Variants in DAB1 observed in about 807,000 individuals in gnomAD.
The protein encoded by DAB1 is disabled homolog 1.
Under a neutral mutation model 64.6 loss-of-function variants are expected in DAB1, and 15 were observed. That is an observed-to-expected ratio of 0.23 (90% CI 0.16 to 0.36). The LOEUF is 0.36. Among genes scored for constraint, DAB1 ranks in the 10% least tolerant of loss-of-function variants. DAB1 has a pLI of 1.00. For missense variants in DAB1, 596 were observed against 706.7 expected (o/e 0.84, Z 1.78); for synonymous variants, 235 against 251.9 (o/e 0.93, Z 0.64).
intron 6 of DAB1, among the ~76,000 whole-genome samples, chr1:57,686,777 G>A (rs749234804): frequency 1.8e-4 from 28 of 152,186 alleles, no homozygotes; most frequent in East Asian, 9.7e-4. Flanking sequence ...GTGATTTACC[G>A]CATAAACACA....
At chr1:58,209,923 C>T (rs554872785) in intron 4 of DAB1, among the ~76,000 whole-genome samples, 6 of 152,064 alleles carry the variant, frequency 3.9e-5, no homozygotes, top group African/African-American at 1.4e-4. Context: ...AGAAAGTTTC[C>T]CTTATCTTTC....
In DAB1 at chr1:57,192,083, G is replaced by A. The variant is rs141192870; in HGVS notation, c.68-46654C>T. On this transcript the variant is annotated intron_variant, in intron 2 of 14. Transcript: ENST00000371236. ...CTTAACCCCAGCACTTTGGGAAGCC[G>A]AGGCAGGCAGATCACTTGAGGTCAG... Among the ~76,000 whole-genome samples the A allele has an allele frequency of 6.3e-3, 958 of 152,200 alleles. 9 individuals are homozygous for A. Among genetic ancestry groups the A allele is most frequent in the African/African-American group, 0.021 (890 of 41,516 alleles).
chr1:57,647,806 A>C (rs933259573), intron 7 of DAB1, among the ~76,000 whole-genome samples: 3 of 152,216 alleles, frequency 2.0e-5, no homozygotes, highest in African/African-American at 7.2e-5. Flanking sequence ...GGCTGAAAGG[A>C]CTATGGTGAC....
At chr1:57,444,044 C>G (rs1558386548) in intron 7 of DAB1, among the ~76,000 whole-genome samples, 1 of 152,180 alleles carries the variant, frequency 6.6e-6, no homozygotes, top group Non-Finnish European at 1.5e-5. Flanking sequence ...CATGTGCCCC[C>G]TGTTCCCTAG....
chr1:57,895,895 G>A (rs11207128), intron 5 of DAB1, among the ~76,000 whole-genome samples: 36,322 of 152,088 alleles, frequency 0.24, 5,282 homozygotes, highest in Non-Finnish European at 0.32. Flanking sequence ...GCCTGTGAAA[G>A]AGCTATCAAA....
At chr1:57,807,686 T>A (rs567541342) in intron 6 of DAB1, among the ~76,000 whole-genome samples, 1 of 152,116 alleles carries the variant, frequency 6.6e-6, no homozygotes, top group African/African-American at 2.4e-5. Flanking sequence ...ATATTAAAAA[T>A]TTTTTTTCAA....
chr1:58,298,062 A>G (rs1662033701), intron 4 of DAB1, among the ~76,000 whole-genome samples: 1 of 152,210 alleles, frequency 6.6e-6, no homozygotes, highest in Non-Finnish European at 1.5e-5. Context: ...TATTGACAAC[A>G]TTTTAAATTA....
Position 57,949,548 on chromosome 1 carries a change from CT to C in DAB1, n.388-65387del, listed in dbSNP as rs1215476723. On this transcript the variant is annotated intron_variant and non_coding_transcript_variant, in intron 5 of 20. Coordinates refer to the DAB1 transcript ENST00000485760. Reference sequence around the variant, plus strand: ...GTCTGTCTGTCTATCTATCATCTATCTACACACACACACACACAATATATAT... The same window carrying C: ...GTCTGTCTGTCTATCTATCATCTATCACACACACACACACACAATATATAT... Among the ~76,000 whole-genome samples, 50 of 134,792 alleles carry C rather than the reference CT, an allele frequency of 3.7e-4. 1 individual carries two copies. Among genetic ancestry groups the C allele is most frequent in the Admixed American group, 3.1e-3 (44 of 14,414 alleles). The allele number at this position is 134,792 out of a possible 152,430, so 88.4% of individuals were successfully genotyped here.
At chr1:57,992,884 C>A (rs1351546245) in intron 5 of DAB1, among the ~76,000 whole-genome samples, 1 of 151,966 alleles carries the variant, frequency 6.6e-6, no homozygotes, top group African/African-American at 2.4e-5. Context: ...GACCCCGATG[C>A]AGTTACCTAG....
chr1:57,820,956 C>G (rs746935124), intron 6 of DAB1, among the ~76,000 whole-genome samples: 3 of 152,104 alleles, frequency 2.0e-5, no homozygotes, highest in East Asian at 3.9e-4. Context: ...CATTTCTGCT[C>G]GAGTTAAGTA....
At chr1:57,454,122 G>GTTC (rs1347283834) in intron 7 of DAB1, among the ~76,000 whole-genome samples, 4 of 152,048 alleles carry the variant, frequency 2.6e-5, no homozygotes, top group African/African-American at 9.7e-5. Context: ...TCTGACTTCT[G>GTTC]TTCTTTAGAT....
intron 3 of DAB1, among the ~76,000 whole-genome samples, chr1:58,494,739 G>A (rs1443984050): frequency 6.6e-6 from 1 of 152,058 alleles, no homozygotes; most frequent in Non-Finnish European, 1.5e-5. Flanking sequence ...ACACCAGTTA[G>A]AATGGCGATC....
chr1:58,545,390 A>G (rs1646685030), intron 1 of DAB1, among the ~76,000 whole-genome samples: 1 of 152,254 alleles, frequency 6.6e-6, no homozygotes, highest in South Asian at 2.1e-4. Flanking sequence ...CGTTTTGAAT[A>G]GAAACAGTGC....
chr1:58,305,766 A>G (rs1195880866), intron 4 of DAB1, among the ~76,000 whole-genome samples: 2 of 152,220 alleles, frequency 1.3e-5, no homozygotes, highest in African/African-American at 4.8e-5. Flanking sequence ...CTAGATTACA[A>G]AACTAAACAG....
intron 6 of DAB1, among the ~76,000 whole-genome samples, chr1:57,692,572 A>G (rs1199859235): frequency 6.6e-6 from 1 of 152,196 alleles, no homozygotes; most frequent in Non-Finnish European, 1.5e-5. Flanking sequence ...TGGAAATAGT[A>G]AAGAAAAAAC....
intron 4 of DAB1, among the ~76,000 whole-genome samples, chr1:58,257,285 G>C (rs1016478655): frequency 6.6e-6 from 1 of 152,212 alleles, no homozygotes; most frequent in Non-Finnish European, 1.5e-5. Flanking sequence ...AGCTAGGAGA[G>C]AGTGAGTGTA....
At chr1:57,569,408 TA>T (rs1172529649) in intron 7 of DAB1, among the ~76,000 whole-genome samples, 2 of 152,002 alleles carry the variant, frequency 1.3e-5, no homozygotes, top group African/African-American at 4.8e-5. Flanking sequence ...TATGCAGCCA[TA>T]AAAAATGATG....
chr1:57,285,724 C>T (rs2100646061), intron 2 of DAB1, among the ~76,000 whole-genome samples: 1 of 152,294 alleles, frequency 6.6e-6, no homozygotes, highest in African/African-American at 2.4e-5. Flanking sequence ...GAACTAAAAA[C>T]CAGGTCTGCT....
intron 5 of DAB1, among the ~76,000 whole-genome samples, chr1:58,142,462 G>T (rs1468336777): frequency 6.6e-6 from 1 of 152,184 alleles, no homozygotes; most frequent in Non-Finnish European, 1.5e-5. Flanking sequence ...GCAGGAAATG[G>T]AGTCTCTTCA....
Sources: allele counts gnomAD v4.1 joint callset (sites outside exome capture counted in the v4.1 genomes callset), GRCh38; gene constraint gnomAD v4.1.1; transcripts MANE v1.5; gene names NCBI Gene and HGNC (gene_info 2026-07-23, HGNC 2026-07-21).